Variants in PSMA1 observed in about 807,000 individuals in gnomAD.
PSMA1 encodes the protein proteasome subunit alpha type-1.
PSMA1 carries 3 observed loss-of-function variants against 38.4 expected under a neutral mutation model. The ratio of observed to expected loss-of-function variants is 0.08; its 90% CI spans 0.04 to 0.20. The LOEUF (loss-of-function observed/expected upper bound fraction) is 0.20, where lower values mean the gene tolerates loss of function less well. PSMA1 is among the 10% of genes least tolerant of loss of function. PSMA1 has a pLI of 1.00. For synonymous variants in PSMA1, 101 were observed against 107.1 expected, an observed-to-expected ratio of 0.94 and a Z score of 0.35; for missense variants, 227 against 325.3, an observed-to-expected ratio of 0.70 and a Z score of 2.32.
chr11:14,618,249 C>G (rs1852800073), intron 1 of PSMA1, among the ~76,000 whole-genome samples: 1 of 152,182 alleles, frequency 6.6e-6, no homozygotes, highest in South Asian at 2.1e-4. Flanking sequence ...TCTCAATTAA[C>G]TATTTCCTTA....
In PSMA1 at chr11:14,584,324, C is replaced by T. The variant is rs1468882344; in HGVS notation, c.21+26642G>A. ...AGTTATCCCTTCAGAGGTAAAAGGA[C>T]CTCTCTTTTTGTTTTTAAACCACGC... On this transcript the variant is annotated intron_variant, in intron 2 of 10. Coordinates refer to the PSMA1 transcript ENST00000418988. 7.9e-5 allele frequency among the ~76,000 whole-genome samples: 12 copies of T among 152,224 alleles called. No homozygotes were observed. In the East Asian group the frequency reaches 2.3e-3, roughly 29 times the overall value.
upstream of PSMA1, among the ~76,000 whole-genome samples, chr11:14,523,655 A>G (rs528916692): frequency 4.1e-5 from 6 of 147,394 alleles, no homozygotes; most frequent in Non-Finnish European, 6.0e-5. Context: ...CAATGGCACA[A>G]TCACTTCAGC....
In PSMA1 at chr11:14,633,332, CTGTT is replaced by C. The variant is rs1277901383; in HGVS notation, c.-166+10119_-166+10122del. 5.9e-5 allele frequency among the ~76,000 whole-genome samples: 9 copies of C among 152,262 alleles called. No homozygotes were observed. The East Asian group carries it at 1.5e-3, about 26-fold the overall frequency. On this transcript the variant is annotated intron_variant, in intron 1 of 10. Transcript: ENST00000418988. ...TGGGTTTTTGGTGTGGATGTCCTTTCTGTTTGTTAGCTTTCCTTCTAACAGACAG... is the reference window on the plus strand; with the variant it reads ...TGGGTTTTTGGTGTGGATGTCCTTTCTGTTAGCTTTCCTTCTAACAGACAG...
intron 2 of PSMA1, among the ~76,000 whole-genome samples, chr11:14,552,204 G>A (rs528843874): frequency 6.6e-6 from 1 of 152,274 alleles, no homozygotes; most frequent in East Asian, 1.9e-4. Flanking sequence ...GAGTGCCCAT[G>A]GAGGCTGGAT....
rs1286901321 is a variant in PSMA1 at position 14,534,662 on chromosome 11, T to C, written c.22-15621A>G. 6.6e-6 allele frequency among the ~76,000 whole-genome samples: 1 copy of C among 152,086 alleles called. No homozygotes were observed. Among genetic ancestry groups the C allele is most frequent in the Non-Finnish European group, 1.5e-5 (1 of 68,024 alleles). ...TTTTTTTTTTAATTACTGTGTTTTT[T>C]CCCTTTCAATACTATCCATCTGGAG... On this transcript the variant is annotated intron_variant, in intron 2 of 10. Transcript: ENST00000418988. The surrounding 1 kb of genome is among the most constrained non-coding windows in gnomAD (Gnocchi z 4.5).
At chr11:14,565,810 G>T (rs1247637929) in intron 2 of PSMA1, among the ~76,000 whole-genome samples, 1 of 152,198 alleles carries the variant, frequency 6.6e-6, no homozygotes, top group African/African-American at 2.4e-5. Flanking sequence ...CGGCAAGAAG[G>T]CATGGATCTG....
intron 1 of PSMA1, among the ~76,000 whole-genome samples, chr11:14,612,524 A>T (rs535335416): frequency 1.2e-3 from 178 of 152,310 alleles, no homozygotes; most frequent in South Asian, 6.2e-3. Context: ...CATTAGATAA[A>T]GCAGAAAATT....
intron 8 of PSMA1, among the ~76,000 whole-genome samples, chr11:14,508,099 A>G (rs1328786759): frequency 6.6e-6 from 1 of 152,186 alleles, no homozygotes; most frequent in African/African-American, 2.4e-5. Context: ...TGGCTTTATA[A>G]AACTGACTAA....
At chr11:14,566,042 G>T (rs1158400949) in intron 2 of PSMA1, among the ~76,000 whole-genome samples, 1 of 152,172 alleles carries the variant, frequency 6.6e-6, no homozygotes, top group Admixed American at 6.5e-5. Context: ...GAGCATACCT[G>T]GATATCTGAC....
chr11:14,506,854 G>A (rs139765506), intron 9 of PSMA1, among the ~76,000 whole-genome samples: 8 of 152,264 alleles, frequency 5.3e-5, no homozygotes, highest in African/African-American at 1.4e-4. Context: ...CTGAAGAAGC[G>A]GCCCTGAAAC....
intron 2 of PSMA1, among the ~76,000 whole-genome samples, chr11:14,558,336 A>G (rs1851966462): frequency 6.6e-6 from 1 of 151,822 alleles, no homozygotes; most frequent in South Asian, 2.1e-4. Flanking sequence ...GGATCACTTG[A>G]GCCTAGGAGA....
intron 1 of PSMA1, among the ~76,000 whole-genome samples, chr11:14,633,872 C>G (rs1048295194): frequency 4.6e-5 from 7 of 152,146 alleles, no homozygotes; most frequent in Non-Finnish European, 1.0e-4. Flanking sequence ...CGGAAAAGCG[C>G]AGTATTAGGG....
At chr11:14,642,910 G>A (rs748490930) in intron 1 of PSMA1, among the ~76,000 whole-genome samples, 17 of 152,024 alleles carry the variant, frequency 1.1e-4, no homozygotes, top group African/African-American at 2.7e-4. Flanking sequence ...AGTTCTCTCC[G>A]CTCCCCCATC....
chr11:14,615,195 T>C (rs915074377), intron 1 of PSMA1, among the ~76,000 whole-genome samples: 8 of 152,272 alleles, frequency 5.3e-5, no homozygotes, highest in Non-Finnish European at 1.2e-4. Flanking sequence ...CTTCAGTGCC[T>C]ATCTCAAATA....
At chr11:14,536,157 C>T (rs1331563252) in intron 2 of PSMA1, among the ~76,000 whole-genome samples, 1 of 152,184 alleles carries the variant, frequency 6.6e-6, no homozygotes, top group Non-Finnish European at 1.5e-5. Context: ...GATCACCTTA[C>T]TATATACTAA....
chr11:14,608,685 CAT>C (rs944441595), intron 2 of PSMA1, among the ~76,000 whole-genome samples: 8 of 146,758 alleles, frequency 5.5e-5, no homozygotes, highest in Non-Finnish European at 1.0e-4. Context: ...ACATATAAAA[CAT>C]ATATGATTAT....
At chr11:14,641,391 T>C (rs555892316) in intron 1 of PSMA1, among the ~76,000 whole-genome samples, 5 of 152,216 alleles carry the variant, frequency 3.3e-5, no homozygotes, top group Non-Finnish European at 7.3e-5. Flanking sequence ...CTAAGAAATG[T>C]GGCCTAGTAA....
At chr11:14,600,798 A>G (rs1470478345) in intron 2 of PSMA1, among the ~76,000 whole-genome samples, 1 of 152,188 alleles carries the variant, frequency 6.6e-6, no homozygotes, top group Non-Finnish European at 1.5e-5. Context: ...TCAGTTGGAA[A>G]TGCAGAAATC....
At chr11:14,544,670 C>T (rs765735465) in intron 2 of PSMA1, among the ~76,000 whole-genome samples, 16 of 152,102 alleles carry the variant, frequency 1.1e-4, no homozygotes, top group Non-Finnish European at 1.5e-4. Context: ...AAAAAAGATA[C>T]GTAATCACAG....
Sources: gnomAD v4.1 joint callset for allele counts (sites outside exome capture counted in the v4.1 genomes callset) on GRCh38, gnomAD v4.1.1 for gene constraint, Gnocchi (gnomAD v3.1) non-coding constraint, MANE v1.5 for transcripts, NCBI Gene and HGNC (gene_info 2026-07-23, HGNC 2026-07-21) for gene names.